Variants in SMC5 observed in about 807,000 individuals in gnomAD.
SMC5 encodes the protein structural maintenance of chromosomes protein 5.
In SMC5, 88 loss-of-function variants were observed where a neutral mutation model predicts 148.3. The observed-to-expected ratio is 0.59, with a 90% CI of 0.50 to 0.71. SMC5 has a LOEUF of 0.71. Ranked by LOEUF, SMC5 falls within the 30% of genes least tolerant of loss-of-function variation. The pLI is 0.00. For missense variants in SMC5, 1,142 were observed against 1,298.9 expected (o/e 0.88, Z 1.86); for synonymous variants, 421 against 432.8 (o/e 0.97, Z 0.34).
intron 8 of SMC5, 148 bp downstream of exon 8, chr9:70,286,419 AAGTATAGT>A: frequency 1.7e-6 from 1 of 578,588 alleles, no homozygotes. Flanking sequence ...TAAGATTTGG[AAGTATAGT>A]AGTTGCTCAG....
chr9:70,291,779 G>A (rs539006101), intron 8 of SMC5, among the ~76,000 whole-genome samples: 22 of 152,102 alleles, frequency 1.4e-4, no homozygotes, highest in Non-Finnish European at 2.6e-4. Context: ...GGAAACTGCC[G>A]GGTAGATCAG....
intron 13 of SMC5, among the ~76,000 whole-genome samples, chr9:70,316,089 C>G (rs1193206641): frequency 6.6e-6 from 1 of 152,014 alleles, no homozygotes; most frequent in African/African-American, 2.4e-5. Context: ...CTAGTACATA[C>G]AGCCAAAGAA....
At chr9:70,288,861 G>A (rs1219594297) in intron 8 of SMC5, among the ~76,000 whole-genome samples, 2 of 151,734 alleles carry the variant, frequency 1.3e-5, no homozygotes, top group Non-Finnish European at 2.9e-5. Flanking sequence ...GGCTTTTATT[G>A]TGTGTTTGAT....
In SMC5 at chr9:70,314,832, C is replaced by G. The variant is rs765793773; in HGVS notation, c.1669C>G (p.Leu557Val). ...AGCACCTTCAAGATCTTTGAATGAA[C>G]TTAAGTAAGTCTTGAAAATACTAAG... ...DKAPSRSLNELKQYGFFSYLR... is the reference protein window; with the variant it reads ...DKAPSRSLNEVKQYGFFSYLR... Residue 557 changes from leucine to valine, a missense_variant, in exon 12 of 25, where the codon CTT (leucine) becomes GTT (valine). Transcript: ENST00000361138. 1 of 1,506,318 alleles carries G rather than the reference C, an allele frequency of 6.6e-7. No homozygotes were observed. Among genetic ancestry groups the G allele is most frequent in the South Asian group, 1.3e-5 (1 of 77,318 alleles). 93.3% of individuals were successfully genotyped at this position (1,506,318 alleles called of 1,614,324 possible).
intron 17 of SMC5, among the ~76,000 whole-genome samples, chr9:70,334,341 CT>C (rs1305875274): frequency 2.0e-5 from 3 of 151,942 alleles, no homozygotes; most frequent in Non-Finnish European, 4.4e-5. Flanking sequence ...TCTTAGTTAC[CT>C]TGGTTTTGGC....
rs182923536 is a variant in SMC5, at chr9:70,337,589, G to T, written c.2398-6555G>T. ...TCCTGCCTCAGCCTCCCAAATAGCT[G>T]GGACTACAGGCGAGCGCCGCCACAC... On this transcript the variant is annotated intron_variant, in intron 17 of 24. Transcript: ENST00000361138. Among the ~76,000 whole-genome samples, 1,028 of 151,898 alleles carry T rather than the reference G, an allele frequency of 6.8e-3. 8 individuals are homozygous for T. Among genetic ancestry groups the T allele is most frequent in the Non-Finnish European group, 0.012 (793 of 67,966 alleles).
rs762050283 is a variant in SMC5 at position 70,352,334 on chromosome 9, A to G, written c.*3A>G. The G allele has an allele frequency of 3.0e-5, 47 of 1,583,640 alleles. No homozygotes were observed. Among genetic ancestry groups the G allele is most frequent in the Non-Finnish European group, 3.8e-5 (44 of 1,168,448 alleles). On this transcript the variant is annotated 3_prime_UTR_variant, in exon 25 of 25. Transcript: ENST00000361138. ...TTACATTCACTCAACCTTCTTAATAAAAGTAAAGAGAGGGAACTTGGGAAT... is the reference window on the plus strand; with the variant it reads ...TTACATTCACTCAACCTTCTTAATAGAAGTAAAGAGAGGGAACTTGGGAAT...
intron 15 of SMC5, among the ~76,000 whole-genome samples, chr9:70,321,321 G>C (rs147879661): frequency 6.6e-5 from 10 of 151,794 alleles, no homozygotes; most frequent in African/African-American, 2.4e-4. Flanking sequence ...TTAGAATTAT[G>C]TCTGCTTGGC....
intron 17 of SMC5, among the ~76,000 whole-genome samples, chr9:70,338,049 C>T (rs1356904258): frequency 6.6e-6 from 1 of 152,072 alleles, no homozygotes; most frequent in East Asian, 1.9e-4. Flanking sequence ...GGTTCTTACT[C>T]TCTCACCCAG....
intron 2 of SMC5, 21 bp from the exon 3 acceptor site, chr9:70,267,902 T>G: frequency 6.2e-7 from 1 of 1,601,992 alleles, no homozygotes; most frequent in Non-Finnish European, 8.5e-7. Flanking sequence ...CACAGCTCAC[T>G]TTTTCTTTTT....
At chr9:70,305,452 A>G (rs1356184742) in intron 11 of SMC5, 92 bp downstream of exon 11, 6 of 740,820 alleles carry the variant, frequency 8.1e-6, no homozygotes, top group South Asian at 5.0e-5. Context: ...TGTGATAGCT[A>G]ATTTTACCAC....
At chr9:70,341,746 C>G (rs2036529160) in intron 17 of SMC5, among the ~76,000 whole-genome samples, 1 of 152,154 alleles carries the variant, frequency 6.6e-6, no homozygotes. Flanking sequence ...ACAACAAGTG[C>G]TGGAGAGGAT....
At chr9:70,334,721 A>C (rs1164971220) in intron 17 of SMC5, among the ~76,000 whole-genome samples, 1 of 152,134 alleles carries the variant, frequency 6.6e-6, no homozygotes, top group African/African-American at 2.4e-5. Context: ...CTGACCCCTG[A>C]TGGATGCTAT....
At chr9:70,344,391 C>A in intron 18 of SMC5, 122 bp downstream of exon 18, 1 of 536,550 alleles carries the variant, frequency 1.9e-6, no homozygotes, top group Non-Finnish European at 2.7e-6. Context: ...GGGAGTTTTT[C>A]CACATTTTTA....
chr9:70,319,430 A>G (rs543113976), intron 15 of SMC5, among the ~76,000 whole-genome samples: 7 of 152,216 alleles, frequency 4.6e-5, no homozygotes, highest in Admixed American at 3.3e-4. Context: ...GGCGTTTTAC[A>G]TTTTTGCAGA....
intron 2 of SMC5, among the ~76,000 whole-genome samples, chr9:70,265,147 A>G (rs1250748733): frequency 6.6e-6 from 1 of 152,160 alleles, no homozygotes; most frequent in Non-Finnish European, 1.5e-5. Context: ...GGAGGAGGAG[A>G]TAAGAAACAG....
chr9:70,345,256 A>T (rs1193071727), intron 18 of SMC5, among the ~76,000 whole-genome samples: 1 of 152,170 alleles, frequency 6.6e-6, no homozygotes, highest in Non-Finnish European at 1.5e-5. Context: ...AGATGATTAT[A>T]TTCATTAAAA....
Position 70,351,243 on chromosome 9 carries a change from A to G in SMC5, c.3165+772A>G, listed in dbSNP as rs1412770289. ...GCAGCATGCGCCTATAGTCCCAGCT[A>G]CTTGGGAAGCTGAGGCATGAGGATC... is the stretch of plus-strand genomic sequence containing the variant. On this transcript the variant is annotated intron_variant, in intron 24 of 24. Coordinates refer to ENST00000361138, the MANE Select transcript of SMC5 (RefSeq NM_015110.4). Among the ~76,000 whole-genome samples the G allele has an allele frequency of 4.6e-5, 7 of 152,176 alleles. No individual in the cohort carries two copies. In the South Asian group the frequency reaches 6.2e-4, roughly 14 times the overall value.
chr9:70,335,148 A>G (rs964818301), intron 17 of SMC5, among the ~76,000 whole-genome samples: 3 of 152,222 alleles, frequency 2.0e-5, no homozygotes, highest in African/African-American at 7.2e-5. Flanking sequence ...GAATATGTCT[A>G]TGAAAGACTG....
Sources: gnomAD v4.1 joint callset for allele counts (sites outside exome capture counted in the v4.1 genomes callset) on GRCh38, gnomAD v4.1.1 for gene constraint, MANE v1.5 for transcripts, NCBI Gene and HGNC (gene_info 2026-07-23, HGNC 2026-07-21) for gene names.